The following UNC13D variants were observed in gnomAD, a reference collection of about 807,000 sequenced individuals.
The protein encoded by UNC13D is protein unc-13 homolog D.
Under a neutral mutation model 151.7 loss-of-function variants are expected in UNC13D, and 115 were observed. The observed-to-expected ratio is 0.76, with a 90% CI of 0.65 to 0.88. The LOEUF is 0.88. Among genes scored for constraint, UNC13D ranks in the 40% least tolerant of loss-of-function variants. The pLI is 0.00. For missense variants in UNC13D, 1,369 were observed against 1,438.7 expected, an observed-to-expected ratio of 0.95 and a Z score of 0.78; for synonymous variants, 588 against 612.2, an observed-to-expected ratio of 0.96 and a Z score of 0.58.
At position 75,833,303 on chromosome 17, in the gene UNC13D, T is replaced by G; in HGVS notation, c.2368-258A>C. 2.8e-6 allele frequency: 1 copy of G among 356,456 alleles called. No homozygotes were observed. 22.1% of individuals were successfully genotyped at this position (356,456 alleles called of 1,614,324 possible). ...TGCCTCAGGGTCTCTGCCCTTGCCG[T>G]TCCCTCTGCCTGGAATGCTCCTCCC... On this transcript the variant is annotated intron_variant, in intron 24 of 31. Coordinates refer to ENST00000207549, the MANE Select transcript of UNC13D (RefSeq NM_199242.3). The surrounding 1 kb of genome is among the most constrained non-coding windows in gnomAD (Gnocchi z 4.0).
rs7210574 is a variant in UNC13D at position 75,828,040 on chromosome 17, T to C, written c.3198A>G (p.Glu1066=). The C allele has an allele frequency of 0.37, 577,875 of 1,579,720 alleles. 118,072 individuals carry two copies. The highest frequency in any genetic ancestry group is 0.88 in the African/African-American group (65,453 of 74,252). Residue 1066 remains glutamate, a synonymous_variant, in exon 32 of 32, where the codon GAA becomes GAG. Coordinates refer to ENST00000207549, the MANE Select transcript of UNC13D (RefSeq NM_199242.3). ...QLLEGRKGDR[E]AQVFVRLRRH... ...GCCGCAGCCTCACAAAGACCTGGGC[T>C]TCTCGGTCACCCTTCCGGCCCTCCA...
chr17:75,834,024 T>C (rs2064889435), intron 24 of UNC13D, 51 bp downstream of exon 24: 2 of 1,609,176 alleles, frequency 1.2e-6, no homozygotes, highest in East Asian at 4.5e-5. Context: ...TGACCCCAGA[T>C]CTACAGAGCT....
chr17:75,841,161 G>C, intron 6 of UNC13D, 160 bp from the exon 7 acceptor site: 1 of 465,898 alleles, frequency 2.1e-6, no homozygotes, highest in Non-Finnish European at 3.5e-6. Flanking sequence ...TTTTTTTTTT[G>C]AGATGGAGTC....
In UNC13D at chr17:75,827,433, A is replaced by G; in HGVS notation, c.*532T>C. 1 of 1,423,400 alleles carries G rather than the reference A, an allele frequency of 7.0e-7. No individual in the cohort carries two copies. Among genetic ancestry groups the G allele is most frequent in the Non-Finnish European group, 9.2e-7 (1 of 1,090,312 alleles). The allele number at this position is 1,423,400 out of a possible 1,614,324, so 88.2% of individuals were successfully genotyped here. On this transcript the variant is annotated 3_prime_UTR_variant, in exon 32 of 32. Transcript: ENST00000207549. Reference sequence around the variant, plus strand: ...CTTGGCTCCAGGCTTCCTGGCCTGGATGCTGGCAGCCCCTGGGGAGAGGAC... The same window carrying G: ...CTTGGCTCCAGGCTTCCTGGCCTGGGTGCTGGCAGCCCCTGGGGAGAGGAC...
chr17:75,828,659 G>A (rs2062140250), intron 31 of UNC13D, 128 bp downstream of exon 31: 17 of 1,064,530 alleles, frequency 1.6e-5, no homozygotes, highest in Middle Eastern at 3.2e-4. Context: ...GAGATGGGCC[G>A]TGGCTGTCCC....
intron 24 of UNC13D, 54 bp downstream of exon 24, chr17:75,834,021 A>C (rs748946036): frequency 1.2e-5 from 20 of 1,607,382 alleles, no homozygotes; most frequent in Admixed American, 1.7e-5. Flanking sequence ...CAATGACCCC[A>C]GATCTACAGA....
At chr17:75,828,729 C>T in intron 31 of UNC13D, 58 bp downstream of exon 31, 1 of 1,444,174 alleles carries the variant, frequency 6.9e-7, no homozygotes, top group Non-Finnish European at 9.1e-7. Flanking sequence ...TCTGGGGCCC[C>T]TGCCTGAGCT....
rs764298899 is a variant in UNC13D, at chr17:75,840,327, G to A, written c.756C>T (p.Asp252=). ...ACCACTGGTCCTCTCGGCAGCGCAG[G>A]TCCTGACAGGCGGGGATGCCCAGCC... is the stretch of plus-strand genomic sequence containing the variant. ...FLGNVVLRLQ[D]LRCREDQWYP... Residue 252 remains aspartate, a splice_region_variant and synonymous_variant, in exon 10 of 32, where the codon GAC becomes GAT. Transcript: ENST00000207549. This position sits in a 1 kb window ranked among gnomAD's most constrained non-coding sequence, Gnocchi z 4.6. The A allele has an allele frequency of 3.1e-6, 5 of 1,613,460 alleles. No homozygotes were observed. The Admixed American group carries it at 8.3e-5, about 27-fold the overall frequency.
chr17:75,828,686 A>C lies in UNC13D; in HGVS notation c.3151+101T>G, dbSNP rs536798631. On this transcript the variant is annotated intron_variant, in intron 31 of 31. Transcript: ENST00000207549. Reference sequence around the variant, plus strand: ...GGCTGTCCCACTGGCTCCCGTCTCCAGGGAAGCTGTTCTCCGACCCTGGCA... The same window carrying C: ...GGCTGTCCCACTGGCTCCCGTCTCCCGGGAAGCTGTTCTCCGACCCTGGCA... 5.3e-6 allele frequency: 7 copies of C among 1,317,380 alleles called. No individual in the cohort carries two copies. The East Asian group carries it at 1.9e-4, about 35-fold the overall frequency. 81.6% of individuals were successfully genotyped at this position (1,317,380 alleles called of 1,614,324 possible). A position where few individuals can be genotyped will look rare whatever the true frequency, so the allele number is the denominator to read the frequency against.
At chr17:75,828,539 C>T (rs1461254350) in intron 31 of UNC13D, among the ~76,000 whole-genome samples, 6 of 152,222 alleles carry the variant, frequency 3.9e-5, no homozygotes, top group Non-Finnish European at 5.9e-5. Context: ...GCGGCCCCGC[C>T]GAGTGAGATC....
Position 75,836,658 on chromosome 17 carries a change from G to C in UNC13D, c.1212C>G (p.Thr404=), listed in dbSNP as rs201727463. The change falls in exon 14 of 32, where the codon ACC becomes ACG. Residue 404 remains threonine (T), a synonymous_variant. Transcript: ENST00000207549. ...ACCTCCGGATGAGGGAGAGGCCGTA[G>C]GTCAGCAGGGAGCTGAATGAGGCGG... The part of the protein sequence containing the change: ...ELAASFSSLL[T]YGLSLIRRFR... 249 of 1,613,780 alleles carry C rather than the reference G, an allele frequency of 1.5e-4. No individual in the cohort carries two copies. The highest frequency in any genetic ancestry group is 1.6e-4 in the Non-Finnish European group (194 of 1,180,030).
intron 6 of UNC13D, 92 bp from the exon 7 acceptor site, chr17:75,841,093 G>T: frequency 8.6e-6 from 11 of 1,279,850 alleles, no homozygotes; most frequent in Non-Finnish European, 1.0e-5. Flanking sequence ...CCATGGAGTT[G>T]TAGCCTATCC....
chr17:75,827,974 C>T lies in UNC13D; in HGVS notation c.3264G>A (p.Pro1088=), dbSNP rs755126817. The change falls in exon 32 of 32, where the codon CCG becomes CCA. Residue 1088 remains proline (P), a synonymous_variant. Coordinates refer to ENST00000207549, the MANE Select transcript of UNC13D (RefSeq NM_199242.3). ...AKQASQHALR[P]AP ...CCGCAAACCTCTACGGCTACGGTGC[C>T]GGCCGCAAGGCATGCTGGGAGGCCT... 38 of 1,606,564 alleles carry T rather than the reference C, an allele frequency of 2.4e-5. No individual in the cohort carries two copies. Among genetic ancestry groups the T allele is most frequent in the South Asian group, 5.5e-5 (5 of 90,180 alleles).
At chr17:75,842,814 G>A in intron 5 of UNC13D, 43 bp downstream of exon 5, 1 of 1,611,356 alleles carries the variant, frequency 6.2e-7, no homozygotes, top group Middle Eastern at 1.7e-4. Flanking sequence ...GGGAGAGGAA[G>A]GAGCCAGGAA....
chr17:75,840,109 C>G lies in UNC13D; in HGVS notation c.860G>C (p.Arg287Thr), dbSNP rs1160760023. ...CTGCGAGCGGCTGGCCGAAGTGGCT[C>G]TCTGCAATGAGGCCTCTGTGAGCAG... is the stretch of plus-strand genomic sequence containing the variant. The part of the protein sequence containing the change: ...HLQFQLIHKR[R>T]ATSASRSQPS... The change falls in exon 11 of 32, where the codon AGA becomes ACA. Residue 287 changes from arginine (R) to threonine (T), a missense_variant and splice_region_variant. Arg to Thr is a moderately conservative substitution (Grantham distance 71). Coordinates refer to ENST00000207549, the MANE Select transcript of UNC13D (RefSeq NM_199242.3). The surrounding 1 kb of genome is among the most constrained non-coding windows in gnomAD (Gnocchi z 4.6). 2 of 1,612,694 alleles carry G rather than the reference C, an allele frequency of 1.2e-6. No individual in the cohort carries two copies. Among genetic ancestry groups the G allele is most frequent in the Non-Finnish European group, 1.7e-6 (2 of 1,179,756 alleles).
chr17:75,839,931 G>A lies in UNC13D; in HGVS notation c.963C>T (p.Thr321=), dbSNP rs758005065. Reference sequence around the variant, plus strand: ...GGGGACTCAGCGACCCGTCCCAGGAGGTGCTTCCCGCCTGAGGGGAGCAGG... The same window carrying A: ...GGGGACTCAGCGACCCGTCCCAGGAAGTGCTTCCCGCCTGAGGGGAGCAGG... ...HEVTQHEAGS[T]SWDGSLSPQA... is the part of the protein sequence containing the mutation. Residue 321 remains threonine (T), a synonymous_variant, in exon 12 of 32, where the codon ACC becomes ACT. Transcript: ENST00000207549. The A allele has an allele frequency of 6.8e-6, 11 of 1,613,656 alleles. No homozygotes were observed. Among genetic ancestry groups the A allele is most frequent in the Non-Finnish European group, 8.5e-6 (10 of 1,180,014 alleles).
intron 19 of UNC13D, 55 bp from the exon 20 acceptor site, chr17:75,835,584 G>A: frequency 6.2e-7 from 1 of 1,610,432 alleles, no homozygotes; most frequent in Non-Finnish European, 8.5e-7. Context: ...TGGACCCTGG[G>A]GCCTCGTCCA....
intron 30 of UNC13D, among the ~76,000 whole-genome samples, chr17:75,829,225 C>A (rs2062143931): frequency 6.6e-6 from 1 of 152,242 alleles, no homozygotes; most frequent in Non-Finnish European, 1.5e-5. Flanking sequence ...TTACTGAGAA[C>A]CTCAGAGACA....
rs774159498 is a variant in UNC13D, at chr17:75,842,547, C to G, written c.455G>C (p.Gly152Ala). ...CACAGCCTTCTGCCGATGCCGGGACCCGGGGCTGCCCCCTGGCACACCTAC... is the reference window on the plus strand; with the variant it reads ...CACAGCCTTCTGCCGATGCCGGGACGCGGGGCTGCCCCCTGGCACACCTAC... ...QGVGVPGGSP[G>A]SRHRQKAVVR... The change falls in exon 6 of 32, where the codon GGG becomes GCG. Residue 152 changes from glycine to alanine, a missense_variant. By Grantham distance (60) the Gly-to-Ala change is moderately conservative. This residue lies in a region of UNC13D where 550 missense variants were observed against 609.0 expected (regional missense o/e 0.90). Transcript: ENST00000207549. 1.2e-6 allele frequency: 2 copies of G among 1,612,162 alleles called. No homozygotes were observed. Among genetic ancestry groups the G allele is most frequent in the Admixed American group, 1.7e-5 (1 of 59,962 alleles).
Sources: allele counts gnomAD v4.1 joint callset (sites outside exome capture counted in the v4.1 genomes callset), GRCh38; gene constraint gnomAD v4.1.1; regional missense constraint gnomAD v4.1.1; non-coding constraint Gnocchi (gnomAD v3.1); transcripts MANE v1.5; gene names NCBI Gene and HGNC (gene_info 2026-07-23, HGNC 2026-07-21).